Variants in ATP2B2 observed in about 807,000 individuals in gnomAD.
ATP2B2 encodes plasma membrane calcium-transporting ATPase 2.
A neutral mutation model predicts 120.0 loss-of-function variants in ATP2B2; 15 were observed. The observed-to-expected ratio is 0.12, with a 90% CI of 0.08 to 0.19. The LOEUF is 0.19. Among genes scored for constraint, ATP2B2 ranks in the 10% least tolerant of loss-of-function variants. The pLI, the probability that ATP2B2 is intolerant of heterozygous loss-of-function variation, is 1.00. For missense variants in ATP2B2, 1,045 were observed against 1,719.8 expected, an observed-to-expected ratio of 0.61 and a Z score of 6.94; for synonymous variants, 694 against 700.3, an observed-to-expected ratio of 0.99 and a Z score of 0.14.
intron 1 of ATP2B2, among the ~76,000 whole-genome samples, chr3:10,466,075 C>A (rs991571394): frequency 6.6e-6 from 1 of 152,236 alleles, no homozygotes; most frequent in African/African-American, 2.4e-5. Context: ...AAGCCCTTTA[C>A]AGCATCTCTG....
chr3:10,636,162 T>C (rs1171770011), intron 1 of ATP2B2, among the ~76,000 whole-genome samples: 2 of 152,228 alleles, frequency 1.3e-5, no homozygotes, highest in Non-Finnish European at 2.9e-5. Flanking sequence ...CTGCAGCCCA[T>C]GAGCATTCTC....
intron 2 of ATP2B2, among the ~76,000 whole-genome samples, chr3:10,558,697 T>C (rs975827534): frequency 1.3e-5 from 2 of 152,228 alleles, no homozygotes; most frequent in African/African-American, 4.8e-5. Flanking sequence ...TAACCCAGTT[T>C]GAGATGCATT....
intron 3 of ATP2B2, among the ~76,000 whole-genome samples, chr3:10,404,787 C>T (rs1011096010): frequency 1.3e-5 from 2 of 152,166 alleles, no homozygotes; most frequent in South Asian, 2.1e-4. Flanking sequence ...GTGAACCTTG[C>T]TAAACAGAAA....
chr3:10,625,090 T>G (rs939660595), intron 1 of ATP2B2, among the ~76,000 whole-genome samples: 1 of 152,204 alleles, frequency 6.6e-6, no homozygotes, highest in Non-Finnish European at 1.5e-5. Flanking sequence ...GATGTCAGTG[T>G]TGCTGCAGGA....
At position 10,663,991 on chromosome 3, in the gene ATP2B2, C is replaced by T. The variant is rs138439178; in HGVS notation, c.-460+43924G>A. 3.9e-5 allele frequency among the ~76,000 whole-genome samples: 6 copies of T among 152,248 alleles called. No homozygotes were observed. In the East Asian group the frequency reaches 5.8e-4, roughly 15 times the overall value. Reference sequence around the variant, plus strand: ...TGATGCCAACTAACCCCAAAGCCTGCGACCCCACAGGACAGCAAGCATCTT... The same window carrying T: ...TGATGCCAACTAACCCCAAAGCCTGTGACCCCACAGGACAGCAAGCATCTT... On this transcript the variant is annotated intron_variant, in intron 1 of 21. Coordinates refer to the ATP2B2 transcript ENST00000646379.
At chr3:10,380,622 C>T (rs1184236262) in intron 8 of ATP2B2, among the ~76,000 whole-genome samples, 6 of 152,190 alleles carry the variant, frequency 3.9e-5, no homozygotes, top group African/African-American at 1.4e-4. Flanking sequence ...GTGCCTACTT[C>T]CGTCCTGCCA....
intron 2 of ATP2B2, among the ~76,000 whole-genome samples, chr3:10,607,629 C>A (rs1019695410): frequency 6.6e-6 from 1 of 152,230 alleles, no homozygotes; most frequent in South Asian, 2.1e-4. Context: ...CCTGAAAAAT[C>A]TATCCACACT....
chr3:10,520,894 C>G (rs1575453322), intron 3 of ATP2B2, among the ~76,000 whole-genome samples: 1 of 151,970 alleles, frequency 6.6e-6, no homozygotes, highest in South Asian at 2.1e-4. Context: ...AGAGTGGCAA[C>G]TAGACTATGT....
chr3:10,433,569 T>C (rs1294485444), intron 2 of ATP2B2, among the ~76,000 whole-genome samples: 3 of 152,144 alleles, frequency 2.0e-5, no homozygotes, highest in African/African-American at 7.2e-5. Flanking sequence ...TTACTATAAA[T>C]GGGAGGTAAA....
At chr3:10,368,206 ACATCGG>A (rs2061122792) in intron 12 of ATP2B2, among the ~76,000 whole-genome samples, 1 of 151,910 alleles carries the variant, frequency 6.6e-6, no homozygotes, top group South Asian at 2.1e-4. Flanking sequence ...TCAGTAAAAG[ACATCGG>A]CTAATTGGGA....
chr3:10,341,074 C>T (rs528946546), intron 19 of ATP2B2, among the ~76,000 whole-genome samples: 16 of 152,114 alleles, frequency 1.1e-4, no homozygotes, highest in South Asian at 6.2e-4. Flanking sequence ...GGAGGTTTTG[C>T]GCTGCCCCGA....
chr3:10,341,747 C>G (rs778048079), intron 19 of ATP2B2, among the ~76,000 whole-genome samples: 20 of 152,202 alleles, frequency 1.3e-4, no homozygotes, highest in Non-Finnish European at 2.4e-4. Context: ...CCAGGACCCC[C>G]GCTCTCCTCT....
chr3:10,573,488 A>G (rs958170943), intron 2 of ATP2B2, among the ~76,000 whole-genome samples: 3 of 152,070 alleles, frequency 2.0e-5, no homozygotes, highest in African/African-American at 7.2e-5. Context: ...TTTGATCACT[A>G]CCTGTTCCTG....
chr3:10,569,823 A>T (rs7629483), intron 2 of ATP2B2, among the ~76,000 whole-genome samples: 1 of 152,160 alleles, frequency 6.6e-6, no homozygotes, highest in Non-Finnish European at 1.5e-5. Context: ...TTCACAGCAT[A>T]GACTGCTCTT....
At chr3:10,407,720 G>T (rs1223803485) in intron 3 of ATP2B2, among the ~76,000 whole-genome samples, 2 of 152,210 alleles carry the variant, frequency 1.3e-5, no homozygotes, top group African/African-American at 4.8e-5. Context: ...GAGGATACTA[G>T]AATTGTGGGG....
At position 10,340,794 on chromosome 3, in the gene ATP2B2, G is replaced by T; in HGVS notation, c.2918-90C>A. 1 of 1,291,370 alleles carries T rather than the reference G, an allele frequency of 7.7e-7. No homozygotes were observed. 80.0% of individuals were successfully genotyped at this position (1,291,370 alleles called of 1,614,324 possible). On this transcript the variant is annotated intron_variant, in intron 19 of 22. Coordinates refer to ENST00000360273, the MANE Select transcript of ATP2B2 (RefSeq NM_001001331.4). This position sits in a 1 kb window ranked among gnomAD's most constrained non-coding sequence, Gnocchi z 5.0. ...GGCCTTTCGTGGGGGCCTCTTCTGA[G>T]CAGTGACGTGAATCCCCAAGACATC... is the stretch of plus-strand genomic sequence containing the variant.
chr3:10,453,872 C>G (rs1474817780), intron 1 of ATP2B2, among the ~76,000 whole-genome samples: 1 of 151,310 alleles, frequency 6.6e-6, no homozygotes, highest in East Asian at 1.9e-4. Context: ...ATCCACACAC[C>G]CACCCATCCA....
Position 10,372,055 on chromosome 3 carries a change from G to A in ATP2B2, c.1417-4C>T, listed in dbSNP as rs2061258761. ...GGTTGTTGTCCTTCATCATTTTCTG[G>A]GAGAAGGGGCAGGTGAGAGGGCAAC... On this transcript the variant is annotated splice_region_variant and splice_polypyrimidine_tract_variant and intron_variant, in intron 11 of 22. Transcript: ENST00000360273. 14 of 1,614,162 alleles carry A rather than the reference G, an allele frequency of 8.7e-6. No homozygotes were observed. The highest frequency in any genetic ancestry group is 1.2e-5 in the Non-Finnish European group (14 of 1,180,024).
intron 2 of ATP2B2, among the ~76,000 whole-genome samples, chr3:10,577,367 A>G (rs1338773637): frequency 2.0e-5 from 3 of 152,168 alleles, no homozygotes; most frequent in Non-Finnish European, 2.9e-5. Flanking sequence ...AAGTGGCAAG[A>G]GTTCAGAGAT....
Sources: allele counts gnomAD v4.1 joint callset (sites outside exome capture counted in the v4.1 genomes callset), GRCh38; gene constraint gnomAD v4.1.1; non-coding constraint Gnocchi (gnomAD v3.1); transcripts MANE v1.5; gene names NCBI Gene and HGNC (gene_info 2026-07-23, HGNC 2026-07-21).